The following RIMS2 variants were observed in gnomAD, a reference collection of about 807,000 sequenced individuals.
RIMS2 encodes regulating synaptic membrane exocytosis protein 2.
Under a neutral mutation model 174.4 loss-of-function variants are expected in RIMS2, and 59 were observed. The ratio of observed to expected loss-of-function variants is 0.34; its 90% CI spans 0.27 to 0.42. RIMS2 has a LOEUF of 0.42. RIMS2 is among the 10% of genes least tolerant of loss of function. The pLI, the probability that RIMS2 is intolerant of heterozygous loss-of-function variation, is 1.00. For synonymous variants in RIMS2, 606 were observed against 572.5 expected, an observed-to-expected ratio of 1.06 and a Z score of -0.84; for missense variants, 1,620 against 1,666.3, an observed-to-expected ratio of 0.97 and a Z score of 0.48.
chr8:103,582,548 G>T (rs2093677184), intron 1 of RIMS2, among the ~76,000 whole-genome samples: 1 of 152,176 alleles, frequency 6.6e-6, no homozygotes, highest in Non-Finnish European at 1.5e-5. Context: ...TGGGCCAGAG[G>T]GGAGTCCATA....
At chr8:104,071,520 C>T (rs1235394188) in intron 19 of RIMS2, among the ~76,000 whole-genome samples, 2 of 152,102 alleles carry the variant, frequency 1.3e-5, no homozygotes, top group South Asian at 2.1e-4. Context: ...CTGCAACCTC[C>T]GCCTCCTGGG....
chr8:103,678,153 A>T (rs7815614), intron 1 of RIMS2, among the ~76,000 whole-genome samples: 118,741 of 152,168 alleles, frequency 0.78, 46,656 homozygotes, highest in East Asian at 0.88. Flanking sequence ...ATGCATGTTC[A>T]TATCTATCTT....
At chr8:103,864,736 C>A (rs780033696) in intron 3 of RIMS2, among the ~76,000 whole-genome samples, 6 of 152,058 alleles carry the variant, frequency 3.9e-5, no homozygotes, top group Non-Finnish European at 7.4e-5. Context: ...CTTATTCCCA[C>A]TAATAGATCA....
intron 21 of RIMS2, 115 bp downstream of exon 27, chr8:104,248,928 CCTCT>C (rs1170353326): frequency 1.2e-5 from 6 of 503,426 alleles, no homozygotes; most frequent in East Asian, 3.1e-5. Context: ...TCTCTCTCTC[CCTCT>C]ATTTTTTTTT....
At chr8:103,729,716 C>T (rs1011604434) in intron 2 of RIMS2, among the ~76,000 whole-genome samples, 5 of 151,946 alleles carry the variant, frequency 3.3e-5, no homozygotes, top group African/African-American at 9.7e-5. Context: ...TGCTTTTGCT[C>T]TATCTCATAG....
intron 19 of RIMS2, among the ~76,000 whole-genome samples, chr8:104,042,228 C>T (rs867089232): frequency 4.0e-5 from 6 of 151,444 alleles, no homozygotes; most frequent in African/African-American, 7.3e-5. Context: ...ATATTAAACG[C>T]TAGAACACTG....
At chr8:103,637,660 A>T (rs2096120487) in intron 1 of RIMS2, among the ~76,000 whole-genome samples, 1 of 152,132 alleles carries the variant, frequency 6.6e-6, no homozygotes, top group Admixed American at 6.5e-5. Flanking sequence ...TATCTTGTTC[A>T]CCTAGGTTTC....
intron 4 of RIMS2, among the ~76,000 whole-genome samples, chr8:103,889,612 T>C (rs73293850): frequency 0.031 from 4,674 of 151,600 alleles, 228 homozygotes; most frequent in African/African-American, 0.1. Flanking sequence ...TGGAAATTGG[T>C]AGCGAGTTTA....
At chr8:103,636,468 G>A (rs1263681037) in intron 1 of RIMS2, among the ~76,000 whole-genome samples, 1 of 151,818 alleles carries the variant, frequency 6.6e-6, no homozygotes, top group Non-Finnish European at 1.5e-5. Context: ...CTAACTGAAG[G>A]TTGTATAGAT....
intron 3 of RIMS2, among the ~76,000 whole-genome samples, chr8:103,845,068 A>T (rs1197697887): frequency 6.6e-6 from 1 of 152,124 alleles, no homozygotes; most frequent in Non-Finnish European, 1.5e-5. Flanking sequence ...GTTTTTTAAC[A>T]AAATAAAATC....
intron 2 of RIMS2, among the ~76,000 whole-genome samples, chr8:103,739,436 A>C (rs1169318917): frequency 1.3e-5 from 2 of 152,220 alleles, no homozygotes; most frequent in South Asian, 2.1e-4. Flanking sequence ...GTAAATGACG[A>C]GTTAATGGGT....
At chr8:104,104,882 G>GAAAAAAA (rs199647482) in intron 19 of RIMS2, among the ~76,000 whole-genome samples, 1 of 116,532 alleles carries the variant, frequency 8.6e-6, no homozygotes. Flanking sequence ...CCTGTCTCAA[G>GAAAAAAA]AAAAAAAAAA....
intron 19 of RIMS2, among the ~76,000 whole-genome samples, chr8:104,106,037 C>CAAAAAAAAAAAAAAAAAAAAAAAAA (rs575916023): frequency 1.4e-4 from 8 of 56,910 alleles, no homozygotes; most frequent in Admixed American, 2.4e-4. Context: ...GACTCTGCCA[C>CAAAAAAAAAAAAAAAAAAAAAAAAA]AAAAAAAAAA....
At chr8:103,652,953 A>G (rs1284838574) in intron 1 of RIMS2, among the ~76,000 whole-genome samples, 3 of 152,200 alleles carry the variant, frequency 2.0e-5, no homozygotes, top group African/African-American at 4.8e-5. Flanking sequence ...AATGTAAGCC[A>G]TACTTATTCA....
intron 2 of RIMS2, among the ~76,000 whole-genome samples, chr8:103,733,586 G>A (rs961116897): frequency 2.0e-5 from 3 of 152,194 alleles, no homozygotes; most frequent in Admixed American, 1.3e-4. Context: ...CTGAACTCAG[G>A]TTCTCACTGC....
At chr8:103,877,228 G>C (rs535267447) in intron 3 of RIMS2, among the ~76,000 whole-genome samples, 1 of 151,376 alleles carries the variant, frequency 6.6e-6, no homozygotes, top group East Asian at 2.0e-4. Context: ...TTGATATTTT[G>C]ATTATGGCCA....
intron 2 of RIMS2, among the ~76,000 whole-genome samples, chr8:103,723,436 C>T: frequency 6.6e-6 from 1 of 152,332 alleles, no homozygotes; most frequent in Non-Finnish European, 1.5e-5. Context: ...AGGCTTGCTG[C>T]TGGAGTCTGT....
At position 104,000,358 on chromosome 8, in the gene RIMS2, TTCTTGCTAA is replaced by T. The variant is rs1411554022; in HGVS notation, c.3044+10940_3044+10948del. On this transcript the variant is annotated intron_variant, in intron 17 of 23. Transcript: ENST00000504942. Reference sequence around the variant, plus strand: ...AATATAATGTCCTCCATTTTCATTCTTCTTGCTAATCATGCATTTCATACCTGATTTTAT... The same window carrying T: ...AATATAATGTCCTCCATTTTCATTCTTCATGCATTTCATACCTGATTTTAT... 1.3e-4 allele frequency among the ~76,000 whole-genome samples: 19 copies of T among 151,866 alleles called. No homozygotes were observed. The East Asian group carries it at 3.1e-3, about 25-fold the overall frequency.
intron 1 of RIMS2, among the ~76,000 whole-genome samples, chr8:103,674,860 C>G (rs2096788060): frequency 6.7e-6 from 1 of 148,846 alleles, no homozygotes; most frequent in Admixed American, 6.7e-5. Flanking sequence ...TTTTATGCAA[C>G]ATAAAAGTAA....
Sources: gnomAD v4.1 joint callset for allele counts (sites outside exome capture counted in the v4.1 genomes callset) on GRCh38, gnomAD v4.1.1 for gene constraint, MANE v1.5 for transcripts, NCBI Gene and HGNC (gene_info 2026-07-23, HGNC 2026-07-21) for gene names.